Variants in ANKRD62 observed in about 807,000 individuals in gnomAD.
The protein encoded by ANKRD62 is ankyrin repeat domain-containing protein 62.
Under a neutral mutation model 98.8 loss-of-function variants are expected in ANKRD62, and 61 were observed. The ratio of observed to expected loss-of-function variants is 0.62; its 90% CI spans 0.50 to 0.76. The LOEUF is 0.76. Among genes scored for constraint, ANKRD62 ranks in the 30% least tolerant of loss-of-function variants. ANKRD62 has a pLI of 0.00. For missense variants in ANKRD62, 933 were observed against 1,082.9 expected (o/e 0.86, Z 1.94); for synonymous variants, 341 against 367.9 (o/e 0.93, Z 0.84).
intron 11 of ANKRD62, among the ~76,000 whole-genome samples, 195 bp downstream of exon 11, chr18:12,122,711 C>T (rs1224119710): frequency 1.3e-5 from 2 of 152,034 alleles, no homozygotes; most frequent in Non-Finnish European, 2.9e-5. Context: ...TTGCATATCC[C>T]TTTAAATCAT....
At chr18:12,170,925 CTG>C in the ANKRD62 span, among the ~76,000 whole-genome samples, 4 of 146,980 alleles carry the variant, frequency 2.7e-5, no homozygotes, top group Non-Finnish European at 6.0e-5. Flanking sequence ...GGTTTAAAGT[CTG>C]TTTTATCAGA....
chr18:12,167,895 T>C, the ANKRD62 span, among the ~76,000 whole-genome samples: 1 of 152,250 alleles, frequency 6.6e-6, no homozygotes, highest in Non-Finnish European at 1.5e-5. Flanking sequence ...TGATGAGCAT[T>C]TTTTCATGTG....
chr18:12,155,147 A>G, the ANKRD62 span, among the ~76,000 whole-genome samples: 1 of 152,222 alleles, frequency 6.6e-6, no homozygotes, highest in African/African-American at 2.4e-5. Flanking sequence ...AAGAAAATGT[A>G]ACTGTCTGAA....
At chr18:12,164,129 G>A in the ANKRD62 span, among the ~76,000 whole-genome samples, 1 of 151,860 alleles carries the variant, frequency 6.6e-6, no homozygotes, top group African/African-American at 2.4e-5. Context: ...AAGCCATTGG[G>A]CCTGGGCTTT....
downstream of ANKRD62, among the ~76,000 whole-genome samples, chr18:12,130,738 A>G (rs192357532): frequency 6.6e-6 from 1 of 151,382 alleles, no homozygotes; most frequent in Admixed American, 6.6e-5. Flanking sequence ...TGTCGCCCAG[A>G]CTGGAGTGAA....
rs1027193156 is a variant in ANKRD62, at chr18:12,097,678, G to C, written c.653G>C (p.Ser218Thr). 6.5e-7 allele frequency: 1 copy of C among 1,536,004 alleles called. No homozygotes were observed. The highest frequency in any genetic ancestry group is 8.7e-7 in the Non-Finnish European group (1 of 1,146,778). The change falls in exon 5 of 14, where the codon AGT becomes ACT. Residue 218 changes from serine to threonine, a missense_variant. Coordinates refer to ENST00000587848, the MANE Select transcript of ANKRD62 (RefSeq NM_001277333.2). ...LILAARNGSTSVVYQLLQHNI... is the reference protein window; with the variant it reads ...LILAARNGSTTVVYQLLQHNI... ...CTTGCTGCTCGTAATGGATCAACAA[G>C]TGTAGTCTACCAGCTTCTTCAGCAC...
At chr18:12,104,879 T>C (rs1186251353) in intron 7 of ANKRD62, among the ~76,000 whole-genome samples, 1 of 152,142 alleles carries the variant, frequency 6.6e-6, no homozygotes, top group Non-Finnish European at 1.5e-5. Flanking sequence ...GATTTTTATT[T>C]AAATGAAAAT....
intron 12 of ANKRD62, among the ~76,000 whole-genome samples, chr18:12,125,160 G>GT (rs1378195464): frequency 1.3e-5 from 2 of 151,910 alleles, no homozygotes; most frequent in African/African-American, 4.8e-5. Context: ...ATGTTTTTGG[G>GT]TTTGTTGAAA....
chr18:12,165,385 C>T, the ANKRD62 span, among the ~76,000 whole-genome samples: 1 of 151,926 alleles, frequency 6.6e-6, no homozygotes, highest in Non-Finnish European at 1.5e-5. Flanking sequence ...GTGATTTTCT[C>T]TGGCGGTATA....
At chr18:12,171,209 G>A in the ANKRD62 span, among the ~76,000 whole-genome samples, 1 of 152,184 alleles carries the variant, frequency 6.6e-6, no homozygotes, top group Non-Finnish European at 1.5e-5. Context: ...TTGCCCGTTA[G>A]TTGATGCAGT....
chr18:12,178,717 G>A, the ANKRD62 span, among the ~76,000 whole-genome samples: 2 of 86,590 alleles, frequency 2.3e-5, 1 homozygote. Context: ...CAATGAAAAA[G>A]AAGATCCACA....
chr18:12,132,260 T>G (rs1168077036), downstream of ANKRD62, among the ~76,000 whole-genome samples: 1 of 152,188 alleles, frequency 6.6e-6, no homozygotes, highest in African/African-American at 2.4e-5. Context: ...TTGATTTTTA[T>G]ATATTGATCA....
chr18:12,154,588 T>G, the ANKRD62 span, among the ~76,000 whole-genome samples: 4 of 152,102 alleles, frequency 2.6e-5, no homozygotes, highest in African/African-American at 9.7e-5. Context: ...AAAGCAGAAC[T>G]AGCATTCCAC....
intron 7 of ANKRD62, among the ~76,000 whole-genome samples, chr18:12,105,420 C>T (rs2143904706): frequency 6.6e-6 from 1 of 152,268 alleles, no homozygotes; most frequent in African/African-American, 2.4e-5. Flanking sequence ...AACTAGAGTT[C>T]CAGCCCTTGT....
At chr18:12,169,892 T>C in the ANKRD62 span, among the ~76,000 whole-genome samples, 3 of 152,240 alleles carry the variant, frequency 2.0e-5, no homozygotes, top group Non-Finnish European at 4.4e-5. Context: ...ATCCATTTCT[T>C]CTAGATTTTC....
chr18:12,137,030 G>A, the ANKRD62 span, among the ~76,000 whole-genome samples: 1,520 of 152,102 alleles, frequency 1.0e-2, 26 homozygotes, highest in African/African-American at 0.034. Context: ...CTAATTGAAT[G>A]CCCTTTATTT....
At chr18:12,135,395 G>C in the ANKRD62 span, among the ~76,000 whole-genome samples, 1 of 151,178 alleles carries the variant, frequency 6.6e-6, no homozygotes, top group Admixed American at 6.6e-5. Context: ...TGGCTGCATA[G>C]TATTCCATGG....
chr18:12,100,016 A>G (rs1180405967), intron 6 of ANKRD62, among the ~76,000 whole-genome samples: 1 of 152,126 alleles, frequency 6.6e-6, no homozygotes, highest in Non-Finnish European at 1.5e-5. Flanking sequence ...ATTTGTTATA[A>G]CATTGGATAT....
chr18:12,157,258 C>T, the ANKRD62 span, among the ~76,000 whole-genome samples: 1 of 152,126 alleles, frequency 6.6e-6, no homozygotes, highest in Non-Finnish European at 1.5e-5. Context: ...AAAATTTATT[C>T]TTTCTAGAAT....
Sources: gnomAD v4.1 joint callset for allele counts (sites outside exome capture counted in the v4.1 genomes callset) on GRCh38, gnomAD v4.1.1 for gene constraint, MANE v1.5 for transcripts, NCBI Gene and HGNC (gene_info 2026-07-23, HGNC 2026-07-21) for gene names.